Variants in PRPF8 observed in about 807,000 individuals in gnomAD.
The protein encoded by PRPF8 is pre-mRNA-processing-splicing factor 8.
A neutral mutation model predicts 285.9 loss-of-function variants in PRPF8; 64 were observed. The ratio of observed to expected loss-of-function variants is 0.22; its 90% CI spans 0.18 to 0.28. The LOEUF (loss-of-function observed/expected upper bound fraction) is 0.28, where lower values mean the gene tolerates loss of function less well. Ranked by LOEUF, PRPF8 falls within the 10% of genes least tolerant of loss-of-function variation. The pLI, the probability that PRPF8 is intolerant of heterozygous loss-of-function variation, is 1.00. For synonymous variants in PRPF8, 1,325 were observed against 1,118.2 expected, an observed-to-expected ratio of 1.18 and a Z score of -3.69; for missense variants, 1,426 against 3,026.7, an observed-to-expected ratio of 0.47 and a Z score of 12.41.
In PRPF8 at chr17:1,675,477, T is replaced by A; in HGVS notation, c.2873-138A>T. The A allele has an allele frequency of 6.9e-7, 1 of 1,446,522 alleles. No individual in the cohort carries two copies. Among genetic ancestry groups the A allele is most frequent in the South Asian group, 1.1e-5 (1 of 87,598 alleles). The allele number at this position is 1,446,522 out of a possible 1,614,324, so 89.6% of individuals were successfully genotyped here. ...ATTTGGATTGCTTTGACTATGGGCT[T>A]TTCCTCAGTTTAACACGAACACTAC... On this transcript the variant is annotated intron_variant, in intron 19 of 42. Coordinates refer to ENST00000304992, the MANE Select transcript of PRPF8 (RefSeq NM_006445.4). This position sits in a 1 kb window ranked among gnomAD's most constrained non-coding sequence, Gnocchi z 6.0.
rs1912737719 is a variant in PRPF8 at position 1,678,530 on chromosome 17, A to G, written c.1842T>C (p.Tyr614=). Residue 614 remains tyrosine, a synonymous_variant, in exon 13 of 43, where the codon TAT becomes TAC. Coordinates refer to ENST00000304992, the MANE Select transcript of PRPF8 (RefSeq NM_006445.4). The part of the protein sequence containing the change: ...MCKDLKHLIY[Y]RFNTGPVGKG... Reference sequence around the variant, plus strand: ...GTCAAGGTCTCACCGTGTTGAAACGATAATAGATGAGATGCTTCAGGTCCT... The same window carrying G: ...GTCAAGGTCTCACCGTGTTGAAACGGTAATAGATGAGATGCTTCAGGTCCT... The G allele has an allele frequency of 1.2e-6, 2 of 1,614,218 alleles. No individual in the cohort carries two copies. The highest frequency in any genetic ancestry group is 2.7e-5 in the African/African-American group (2 of 75,042).
intron 2 of PRPF8, 112 bp downstream of exon 2, chr17:1,684,360 A>G (rs951217518): frequency 1.5e-4 from 155 of 1,036,044 alleles, no homozygotes; most frequent in Non-Finnish European, 1.7e-4. Flanking sequence ...TGGAAATAAC[A>G]AGGGAGCTGA....
At chr17:1,678,711 G>A (rs1402294869) in intron 12 of PRPF8, 51 bp downstream of exon 12, 1 of 1,614,106 alleles carries the variant, frequency 6.2e-7, no homozygotes, top group South Asian at 1.1e-5. Context: ...GTCAGCACAG[G>A]CTTCCTCCAG....
Position 1,675,131 on chromosome 17 carries a change from G to T in PRPF8, c.3060+21C>A. 1 of 1,612,492 alleles carries T rather than the reference G, an allele frequency of 6.2e-7. No individual in the cohort carries two copies. Among genetic ancestry groups the T allele is most frequent in the Non-Finnish European group, 8.5e-7 (1 of 1,179,954 alleles). ...ACAAGCACTCCACACACAATTCCAT[G>T]CTACTGCGCCTGAGACGCACCTTAT... On this transcript the variant is annotated intron_variant, in intron 20 of 42. Coordinates refer to ENST00000304992, the MANE Select transcript of PRPF8 (RefSeq NM_006445.4). This position sits in a 1 kb window ranked among gnomAD's most constrained non-coding sequence, Gnocchi z 6.0.
Position 1,679,555 on chromosome 17 carries a change from T to G in PRPF8, c.1289+54A>C. The G allele has an allele frequency of 6.2e-7, 1 of 1,602,364 alleles. No homozygotes were observed. Among genetic ancestry groups the G allele is most frequent in the African/African-American group, 1.4e-5 (1 of 73,584 alleles). On this transcript the variant is annotated intron_variant, in intron 9 of 42. Transcript: ENST00000304992. This position sits in a 1 kb window ranked among gnomAD's most constrained non-coding sequence, Gnocchi z 4.7. Reference sequence around the variant, plus strand: ...AGGCTACATGCCCACCTAGTTGGAGTCTTTTCTCCTACACATCCACTATCA... The same window carrying G: ...AGGCTACATGCCCACCTAGTTGGAGGCTTTTCTCCTACACATCCACTATCA...
At position 1,659,317 on chromosome 17, in the gene PRPF8, C is replaced by CG. The variant is rs756085198; in HGVS notation, c.5138+39dup. ...CTGGGATTACAGGTGTGAGCCACTGCGCCTGGCCTGAAAATACATGGTCCT... is the reference window on the plus strand; with the variant it reads ...CTGGGATTACAGGTGTGAGCCACTGCGGCCTGGCCTGAAAATACATGGTCCT... On this transcript the variant is annotated intron_variant, in intron 32 of 42. Transcript: ENST00000304992. The surrounding 1 kb of genome is among the most constrained non-coding windows in gnomAD (Gnocchi z 5.1). 71 of 1,611,076 alleles carry CG rather than the reference C, an allele frequency of 4.4e-5. No homozygotes were observed. Among genetic ancestry groups the CG allele is most frequent in the Non-Finnish European group, 5.8e-5 (68 of 1,178,154 alleles).
chr17:1,679,940 C>A lies in PRPF8; in HGVS notation c.1099-141G>T. 1 of 996,076 alleles carries A rather than the reference C, an allele frequency of 1.0e-6. No homozygotes were observed. The allele number at this position is 996,076 out of a possible 1,614,324, so 61.7% of individuals were successfully genotyped here. Reference sequence around the variant, plus strand: ...GTCTGACAAAAGCAGCCCTGAAGTGCCAGCACAAAGGAAACCAAGACAGCA... The same window carrying A: ...GTCTGACAAAAGCAGCCCTGAAGTGACAGCACAAAGGAAACCAAGACAGCA... On this transcript the variant is annotated intron_variant, in intron 8 of 42. Transcript: ENST00000304992. This position sits in a 1 kb window ranked among gnomAD's most constrained non-coding sequence, Gnocchi z 4.7.
At chr17:1,674,158 G>A (rs1194253026) in intron 21 of PRPF8, among the ~76,000 whole-genome samples, 1 of 152,146 alleles carries the variant, frequency 6.6e-6, no homozygotes, top group Non-Finnish European at 1.5e-5. Context: ...GAGTAGCTGG[G>A]ACTACAGGCA....
chr17:1,674,946 ATTTTT>A (rs1449643520), intron 20 of PRPF8, among the ~76,000 whole-genome samples: 1 of 151,712 alleles, frequency 6.6e-6, no homozygotes, highest in African/African-American at 2.4e-5. Flanking sequence ...TAATTTTTGT[ATTTTT>A]TTAAGTAGAG....
chr17:1,651,058 TCA>T lies in PRPF8; in HGVS notation c.6853+48_6853+49del. 1 of 1,613,696 alleles carries T rather than the reference TCA, an allele frequency of 6.2e-7. No homozygotes were observed. Among genetic ancestry groups the T allele is most frequent in the Non-Finnish European group, 8.5e-7 (1 of 1,179,600 alleles). On this transcript the variant is annotated intron_variant, in intron 42 of 42. Transcript: ENST00000304992. The surrounding 1 kb of genome is among the most constrained non-coding windows in gnomAD (Gnocchi z 5.1). The stretch of plus-strand genomic sequence containing the variant: ...GCCCCAAGTGCAAAGGGCGATGGCC[TCA>T]CCTTATCCCTACTGCTATCCCCACA...
At position 1,672,988 on chromosome 17, in the gene PRPF8, G is replaced by T. The variant is rs559666863; in HGVS notation, c.3774+93C>A. 1.7e-4 allele frequency: 206 copies of T among 1,181,590 alleles called. 1 individual carries two copies. In the African/African-American group the frequency reaches 2.8e-3, roughly 16 times the overall value. The allele number at this position is 1,181,590 out of a possible 1,614,324, so 73.2% of individuals were successfully genotyped here. On this transcript the variant is annotated intron_variant, in intron 24 of 42. Coordinates refer to ENST00000304992, the MANE Select transcript of PRPF8 (RefSeq NM_006445.4). ...CTGGCACACTAAGCAAAGAAGAGAA[G>T]GAAGCAGCCAGCAGGGGACGAAGTG... is the stretch of plus-strand genomic sequence containing the variant.
At position 1,651,892 on chromosome 17, in the gene PRPF8, TTTC is replaced by T; in HGVS notation, c.6370-107_6370-105del. On this transcript the variant is annotated intron_variant, in intron 39 of 42. Transcript: ENST00000304992. This position sits in a 1 kb window ranked among gnomAD's most constrained non-coding sequence, Gnocchi z 5.1. ...CCTTCCCCCAAGAACGAGGACAGAGTTTCTTAAAACGTGATCAGAACCCCCTGT... is the reference window on the plus strand; with the variant it reads ...CCTTCCCCCAAGAACGAGGACAGAGTTTAAAACGTGATCAGAACCCCCTGT... 4 of 1,447,986 alleles carry T rather than the reference TTTC, an allele frequency of 2.8e-6. No individual in the cohort carries two copies. The highest frequency in any genetic ancestry group is 3.9e-6 in the Non-Finnish European group (4 of 1,038,866). 89.7% of individuals were successfully genotyped at this position (1,447,986 alleles called of 1,614,324 possible).
chr17:1,676,511 G>A lies in PRPF8; in HGVS notation c.2382C>T (p.Tyr794=), dbSNP rs368348291. 8.3e-5 allele frequency: 134 copies of A among 1,614,030 alleles called. No homozygotes were observed. The South Asian group carries it at 9.2e-4, about 11-fold the overall frequency. Residue 794 remains tyrosine, a synonymous_variant, in exon 16 of 43, where the codon TAC becomes TAT. Coordinates refer to ENST00000304992, the MANE Select transcript of PRPF8 (RefSeq NM_006445.4). The surrounding 1 kb of genome is among the most constrained non-coding windows in gnomAD (Gnocchi z 6.3). ...LKAEQERQHN[Y]LKDGPYITAE... ...CCAGCCTACTCTGCCCAACCTTCAG[G>A]TAGTTGTGCTGCCGCTCCTGTTCTG...
At chr17:1,663,802 A>G (rs1911806243) in intron 24 of PRPF8, among the ~76,000 whole-genome samples, 1 of 152,006 alleles carries the variant, frequency 6.6e-6, no homozygotes, top group African/African-American at 2.4e-5. Context: ...ATTAACAGTA[A>G]AAAGATGGAA....
At chr17:1,657,367 C>T (rs116095102) in intron 34 of PRPF8, among the ~76,000 whole-genome samples, 2,886 of 152,208 alleles carry the variant, frequency 0.019, 37 homozygotes, top group South Asian at 0.071. Flanking sequence ...GTTGCTGGGC[C>T]GGGCACGGTG....
Position 1,653,708 on chromosome 17 carries a change from C to T in PRPF8, c.6228-25G>A, listed in dbSNP as rs1911203210. 2.5e-6 allele frequency: 4 copies of T among 1,614,042 alleles called. No individual in the cohort carries two copies. The highest frequency in any genetic ancestry group is 1.3e-5 in the African/African-American group (1 of 74,914). On this transcript the variant is annotated intron_variant, in intron 38 of 42. Transcript: ENST00000304992. This position sits in a 1 kb window ranked among gnomAD's most constrained non-coding sequence, Gnocchi z 4.9. The stretch of plus-strand genomic sequence containing the variant: ...CCTAAAAACAGGCAGGGAGTGTCAG[C>T]ATCGCTCAGCCCAGCACCTTAGGTA...
Position 1,659,224 on chromosome 17 carries a change from C to A in PRPF8, c.5138+133G>T. 9.8e-7 allele frequency: 1 copy of A among 1,024,660 alleles called. No homozygotes were observed. Among genetic ancestry groups the A allele is most frequent in the South Asian group, 1.3e-5 (1 of 76,154 alleles). 63.5% of individuals were successfully genotyped at this position (1,024,660 alleles called of 1,614,324 possible). The stretch of plus-strand genomic sequence containing the variant: ...GTATTTTGGTAGAGACAGGGTTTCA[C>A]CATGTTGCCCAGACTGGTCTCAAAC... On this transcript the variant is annotated intron_variant, in intron 32 of 42. Coordinates refer to ENST00000304992, the MANE Select transcript of PRPF8 (RefSeq NM_006445.4). The surrounding 1 kb of genome is among the most constrained non-coding windows in gnomAD (Gnocchi z 5.1).
intron 13 of PRPF8, 148 bp from the exon 14 acceptor site, chr17:1,677,842 C>T (rs1284039308): frequency 3.9e-6 from 4 of 1,021,914 alleles, no homozygotes; most frequent in African/African-American, 3.3e-5. Context: ...AAAAAAAACT[C>T]TGGGACCTCA....
rs998122915 is a variant in PRPF8, at chr17:1,678,347, G to A, written c.1854+171C>T. On this transcript the variant is annotated intron_variant, in intron 13 of 42. Coordinates refer to ENST00000304992, the MANE Select transcript of PRPF8 (RefSeq NM_006445.4). ...AACAAAAAAAAAATTGCCAGGCGTG[G>A]TGGCGGGCACCTGTAATCCCAGCTA... 7.6e-6 allele frequency: 6 copies of A among 790,374 alleles called. No homozygotes were observed. In the African/African-American group the frequency reaches 8.7e-5, roughly 11 times the overall value. 49.0% of individuals were successfully genotyped at this position (790,374 alleles called of 1,614,324 possible). A position where few individuals can be genotyped will look rare whatever the true frequency, so the allele number is the denominator to read the frequency against.
Sources: gnomAD v4.1 joint callset for allele counts (sites outside exome capture counted in the v4.1 genomes callset) on GRCh38, gnomAD v4.1.1 for gene constraint, Gnocchi (gnomAD v3.1) non-coding constraint, MANE v1.5 for transcripts, NCBI Gene and HGNC (gene_info 2026-07-23, HGNC 2026-07-21) for gene names.